CDH18: variants seen among roughly 807,000 people sequenced by gnomAD.
CDH18 encodes cadherin-18.
CDH18 carries 31 observed loss-of-function variants against 67.9 expected under a neutral mutation model. That is an observed-to-expected ratio of 0.46 (90% CI 0.34 to 0.62). CDH18 has a LOEUF of 0.62. Among genes scored for constraint, CDH18 ranks in the 20% least tolerant of loss-of-function variants. CDH18 has a pLI of 0.01. For synonymous variants in CDH18, 362 were observed against 347.2 expected (o/e 1.04, Z -0.48); for missense variants, 890 against 975.5 (o/e 0.91, Z 1.17).
chr5:20,109,441 T>C (rs750260300), intron 2 of CDH18, among the ~76,000 whole-genome samples: 45 of 152,298 alleles, frequency 3.0e-4, no homozygotes, highest in Admixed American at 9.1e-4. Context: ...TCTGAGTTGA[T>C]AAGGGCTTTG....
intron 5 of CDH18, among the ~76,000 whole-genome samples, chr5:19,692,535 GA>G (rs1300751863): frequency 6.6e-6 from 1 of 151,424 alleles, no homozygotes; most frequent in Non-Finnish European, 1.5e-5. Flanking sequence ...TAATTCAGCG[GA>G]AAAAAACAAA....
intron 11 of CDH18, among the ~76,000 whole-genome samples, chr5:19,487,382 C>A (rs1486436062): frequency 6.6e-6 from 1 of 152,062 alleles, no homozygotes; most frequent in East Asian, 1.9e-4. Context: ...GAGTACTGGG[C>A]ATAGTTTTGG....
chr5:20,471,649 A>T (rs1322360480), intron 1 of CDH18, among the ~76,000 whole-genome samples: 1 of 151,702 alleles, frequency 6.6e-6, no homozygotes, highest in Admixed American at 6.6e-5. Flanking sequence ...AAAATACAAA[A>T]AAATTAGCTG....
In CDH18 at chr5:19,747,240, T is replaced by C. The variant is rs972500487; in HGVS notation, c.229-4A>G. 1.2e-6 allele frequency: 2 copies of C among 1,608,374 alleles called. No homozygotes were observed. The highest frequency in any genetic ancestry group is 1.7e-6 in the Non-Finnish European group (2 of 1,175,450). ...CTTTGTCAGAATTGGAGTGCAGCTG[T>C]GAAATACACATGGAATAATTTAGCA... On this transcript the variant is annotated splice_region_variant and splice_polypyrimidine_tract_variant and intron_variant, in intron 3 of 12. Transcript: ENST00000382275.
At chr5:20,017,219 T>C (rs1433234186) in intron 2 of CDH18, among the ~76,000 whole-genome samples, 1 of 152,174 alleles carries the variant, frequency 6.6e-6, no homozygotes, top group African/African-American at 2.4e-5. Context: ...CCTTGGAAAG[T>C]TGGCTTTGGC....
At chr5:20,382,265 T>G (rs1743969461) in intron 1 of CDH18, among the ~76,000 whole-genome samples, 2 of 152,064 alleles carry the variant, frequency 1.3e-5, no homozygotes, top group Non-Finnish European at 2.9e-5. Context: ...ACAACTGGCA[T>G]TTTTCTTAAC....
At chr5:19,958,521 G>A (rs977637887) in intron 2 of CDH18, among the ~76,000 whole-genome samples, 4 of 151,832 alleles carry the variant, frequency 2.6e-5, no homozygotes, top group Non-Finnish European at 5.9e-5. Flanking sequence ...GGGGCCAGGT[G>A]TTTATACCCT....
intron 1 of CDH18, among the ~76,000 whole-genome samples, chr5:20,392,648 G>A (rs192497853): frequency 5.7e-4 from 86 of 151,834 alleles, no homozygotes; most frequent in African/African-American, 2.0e-3. Context: ...GATGAAGACG[G>A]GTCTGGAATA....
intron 5 of CDH18, among the ~76,000 whole-genome samples, chr5:19,669,419 A>C (rs955914004): frequency 1.3e-5 from 2 of 151,620 alleles, no homozygotes; most frequent in Admixed American, 1.3e-4. Flanking sequence ...CAGCCGCCTG[A>C]GTAGCTGGGA....
intron 2 of CDH18, among the ~76,000 whole-genome samples, chr5:20,005,589 C>T (rs1219994652): frequency 6.6e-6 from 1 of 151,804 alleles, no homozygotes; most frequent in Non-Finnish European, 1.5e-5. Flanking sequence ...TACATATACA[C>T]ACACATACAT....
chr5:20,024,064 T>C (rs193161281), intron 2 of CDH18, among the ~76,000 whole-genome samples: 1 of 152,322 alleles, frequency 6.6e-6, no homozygotes, highest in Admixed American at 6.5e-5. Flanking sequence ...AACAAATGAA[T>C]TCACCATATC....
At chr5:20,104,865 C>T (rs1029966316) in intron 2 of CDH18, among the ~76,000 whole-genome samples, 5 of 152,174 alleles carry the variant, frequency 3.3e-5, no homozygotes, top group Non-Finnish European at 7.3e-5. Context: ...CACACCTACA[C>T]CCACAAACAT....
intron 5 of CDH18, among the ~76,000 whole-genome samples, chr5:19,639,600 T>A (rs1366001873): frequency 6.6e-6 from 1 of 152,124 alleles, no homozygotes; most frequent in East Asian, 1.9e-4. Context: ...AGAGGCACAG[T>A]CTCTCCATGA....
chr5:19,632,704 C>T (rs958191911), intron 5 of CDH18, among the ~76,000 whole-genome samples: 1 of 152,328 alleles, frequency 6.6e-6, no homozygotes, highest in Admixed American at 6.5e-5. Flanking sequence ...GCAAATATTT[C>T]ATTTAATTAT....
intron 1 of CDH18, among the ~76,000 whole-genome samples, chr5:20,434,137 G>T (rs1009878194): frequency 6.6e-6 from 1 of 152,018 alleles, no homozygotes; most frequent in African/African-American, 2.4e-5. Flanking sequence ...AGCAACCTCA[G>T]TTGTGGGTAA....
chr5:20,192,537 A>C (rs1580445572), intron 2 of CDH18, among the ~76,000 whole-genome samples: 1 of 152,268 alleles, frequency 6.6e-6, no homozygotes, highest in African/African-American at 2.4e-5. Flanking sequence ...ATAAGGAGTA[A>C]GGAAGGGGTC....
intron 1 of CDH18, among the ~76,000 whole-genome samples, chr5:20,438,264 A>G (rs1022442373): frequency 1.2e-4 from 18 of 150,736 alleles, no homozygotes; most frequent in African/African-American, 4.2e-4. Context: ...GTATGTATAT[A>G]TATTCCTATT....
At chr5:20,090,280 T>C (rs1027369441) in intron 2 of CDH18, among the ~76,000 whole-genome samples, 4 of 152,180 alleles carry the variant, frequency 2.6e-5, no homozygotes, top group Admixed American at 1.3e-4. Context: ...CTCATGCCCA[T>C]AATCCCAGCA....
Position 19,493,053 on chromosome 5 carries a change from C to T in CDH18, c.1631-9501G>A, listed in dbSNP as rs537443665. 2.0e-5 allele frequency among the ~76,000 whole-genome samples: 3 copies of T among 152,248 alleles called. No homozygotes were observed. In the East Asian group the frequency reaches 5.8e-4, roughly 29 times the overall value. The stretch of plus-strand genomic sequence containing the variant: ...TAATTGACGCTGCATTCTGTCATCT[C>T]TATGTTGTTTTAATCTACTACTTAC... On this transcript the variant is annotated intron_variant, in intron 11 of 12. Coordinates refer to ENST00000382275, the MANE Select transcript of CDH18 (RefSeq NM_004934.5).
Sources: gnomAD v4.1 joint callset for allele counts (sites outside exome capture counted in the v4.1 genomes callset) on GRCh38, gnomAD v4.1.1 for gene constraint, MANE v1.5 for transcripts, NCBI Gene and HGNC (gene_info 2026-07-23, HGNC 2026-07-21) for gene names.